PPM1L: variants seen among roughly 807,000 people sequenced by gnomAD.
The protein encoded by PPM1L is protein phosphatase 1L.
In PPM1L, 13 loss-of-function variants were observed where a neutral mutation model predicts 31.4. The observed-to-expected ratio is 0.41, with a 90% CI of 0.27 to 0.66. PPM1L has a LOEUF of 0.66. PPM1L is among the 30% of genes least tolerant of loss of function. The pLI is 0.29. For synonymous variants in PPM1L, 184 were observed against 175.4 expected (o/e 1.05, Z -0.39); for missense variants, 326 against 453.7 (o/e 0.72, Z 2.56).
chr3:160,821,162 A>G (rs76874930), intron 1 of PPM1L, among the ~76,000 whole-genome samples: 5,134 of 152,006 alleles, frequency 0.034, 302 homozygotes, highest in African/African-American at 0.12. Flanking sequence ...TCCTTCCCCT[A>G]TTCCTCTCTA....
intron 1 of PPM1L, among the ~76,000 whole-genome samples, chr3:160,778,733 G>A (rs2108065308): frequency 6.6e-6 from 1 of 152,298 alleles, no homozygotes; most frequent in Middle Eastern, 3.4e-3. Context: ...ATGGGGGAAA[G>A]TTGTCCAATG....
chr3:160,789,494 G>T (rs960267629), intron 1 of PPM1L, among the ~76,000 whole-genome samples: 1 of 151,830 alleles, frequency 6.6e-6, no homozygotes, highest in Admixed American at 6.6e-5. Context: ...GGTGATAAAT[G>T]TGCATCTTTA....
rs116573439 is a variant in PPM1L at position 161,058,705 on chromosome 3, G to A, written c.575-6698G>A. Among the ~76,000 whole-genome samples, 1,249 of 152,156 alleles carry A rather than the reference G, an allele frequency of 8.2e-3. 19 individuals carry two copies. The highest frequency in any genetic ancestry group is 0.029 in the African/African-American group (1,210 of 41,496). ...GGAGAATACCTGCCCTCCCCACTCTGAATGTTTGAAAATCAATTGCAAGTA... is the reference window on the plus strand; with the variant it reads ...GGAGAATACCTGCCCTCCCCACTCTAAATGTTTGAAAATCAATTGCAAGTA... On this transcript the variant is annotated intron_variant, in intron 2 of 3. Coordinates refer to ENST00000498165, the MANE Select transcript of PPM1L (RefSeq NM_139245.4).
At chr3:160,991,101 A>G (rs931149092) in intron 2 of PPM1L, among the ~76,000 whole-genome samples, 1 of 151,974 alleles carries the variant, frequency 6.6e-6, no homozygotes, top group Admixed American at 6.6e-5. Flanking sequence ...AAAGAAAAAA[A>G]TCACAAAAAA....
chr3:160,910,552 C>T (rs1252270642), intron 1 of PPM1L, among the ~76,000 whole-genome samples: 1 of 152,110 alleles, frequency 6.6e-6, no homozygotes, highest in Non-Finnish European at 1.5e-5. Flanking sequence ...CTCAAGTGAT[C>T]AGCCCACCTC....
chr3:160,858,065 A>C (rs1576674020), intron 1 of PPM1L, among the ~76,000 whole-genome samples: 1 of 152,294 alleles, frequency 6.6e-6, no homozygotes, highest in Middle Eastern at 3.4e-3. Context: ...TAGGCTGTTT[A>C]GTTGACATTT....
chr3:161,055,594 A>T (rs1719389073), intron 2 of PPM1L, among the ~76,000 whole-genome samples: 1 of 151,906 alleles, frequency 6.6e-6, no homozygotes, highest in African/African-American at 2.4e-5. Flanking sequence ...AACCTATTTT[A>T]TTTCTCCTCA....
chr3:160,850,684 C>T (rs1161012247), intron 1 of PPM1L, among the ~76,000 whole-genome samples: 6 of 152,080 alleles, frequency 3.9e-5, no homozygotes, highest in Non-Finnish European at 7.4e-5. Flanking sequence ...AGAAGCTGTG[C>T]ACATGGATAC....
intron 1 of PPM1L, among the ~76,000 whole-genome samples, chr3:160,798,353 G>A (rs184047774): frequency 6.6e-6 from 1 of 152,336 alleles, no homozygotes; most frequent in East Asian, 1.9e-4. Flanking sequence ...GAGAGAAGTA[G>A]TCAGTGCCTG....
At chr3:160,961,324 A>G (rs982691441) in intron 1 of PPM1L, among the ~76,000 whole-genome samples, 4 of 152,166 alleles carry the variant, frequency 2.6e-5, no homozygotes, top group African/African-American at 9.7e-5. Flanking sequence ...AATAAAACAA[A>G]GTAGGGATGT....
At chr3:160,935,048 A>G (rs950612127) in intron 1 of PPM1L, among the ~76,000 whole-genome samples, 5 of 152,194 alleles carry the variant, frequency 3.3e-5, no homozygotes, top group Admixed American at 6.5e-5. Flanking sequence ...ACATAGTTAC[A>G]TGAAAACAAA....
chr3:160,921,854 C>T (rs1714416882), intron 1 of PPM1L, among the ~76,000 whole-genome samples: 1 of 134,474 alleles, frequency 7.4e-6, no homozygotes, highest in African/African-American at 2.5e-5. Context: ...ACTAAGGTTA[C>T]TTATGACCAG....
chr3:160,785,849 T>C (rs1197914355), intron 1 of PPM1L, among the ~76,000 whole-genome samples: 1 of 150,340 alleles, frequency 6.7e-6, no homozygotes, highest in East Asian at 1.9e-4. Flanking sequence ...TTTTTTTTTT[T>C]ACATATGTCT....
intron 1 of PPM1L, among the ~76,000 whole-genome samples, chr3:160,896,424 T>A (rs985491728): frequency 6.6e-6 from 1 of 152,130 alleles, no homozygotes; most frequent in Non-Finnish European, 1.5e-5. Flanking sequence ...ATTTAAGTAT[T>A]GTAAGTTAAG....
chr3:160,935,687 C>G (rs1714946477), intron 1 of PPM1L, among the ~76,000 whole-genome samples: 2 of 152,162 alleles, frequency 1.3e-5, no homozygotes, highest in Non-Finnish European at 1.5e-5. Context: ...CCTAATTGTA[C>G]CAAATCAAAG....
At chr3:160,846,284 A>G (rs139600800) in intron 1 of PPM1L, among the ~76,000 whole-genome samples, 239 of 152,208 alleles carry the variant, frequency 1.6e-3, no homozygotes, top group African/African-American at 5.5e-3. Context: ...CATGTGGTGA[A>G]GTCACACCTC....
At chr3:160,778,955 C>A (rs930484128) in intron 1 of PPM1L, among the ~76,000 whole-genome samples, 5 of 152,030 alleles carry the variant, frequency 3.3e-5, no homozygotes, top group African/African-American at 9.7e-5. Context: ...CCTTTTTGTG[C>A]ATAATCCACA....
chr3:161,063,394 A>G (rs1017508459), intron 2 of PPM1L, among the ~76,000 whole-genome samples: 7 of 152,126 alleles, frequency 4.6e-5, no homozygotes, highest in African/African-American at 1.7e-4. Context: ...ATGTGTTTCC[A>G]TATCTGATCA....
chr3:160,780,910 T>C (rs1711725933), intron 1 of PPM1L, among the ~76,000 whole-genome samples: 1 of 152,242 alleles, frequency 6.6e-6, no homozygotes, highest in Admixed American at 6.5e-5. Context: ...GGGTTTAGTA[T>C]AGTGCCTGGC....
Sources: allele counts gnomAD v4.1 joint callset (sites outside exome capture counted in the v4.1 genomes callset), GRCh38; gene constraint gnomAD v4.1.1; transcripts MANE v1.5; gene names NCBI Gene and HGNC (gene_info 2026-07-23, HGNC 2026-07-21).